TRAPPC9: variants seen among roughly 807,000 people sequenced by gnomAD.
The protein encoded by TRAPPC9 is IKK2 binding protein.
TRAPPC9 carries 83 observed loss-of-function variants against 124.0 expected under a neutral mutation model. The ratio of observed to expected loss-of-function variants is 0.67; its 90% CI spans 0.56 to 0.80. The LOEUF (loss-of-function observed/expected upper bound fraction) is 0.80. Ranked by LOEUF, TRAPPC9 falls within the 30% of genes least tolerant of loss-of-function variation. The pLI is 0.00. For missense variants in TRAPPC9, 1,302 were observed against 1,508.3 expected (o/e 0.86, Z 2.27); for synonymous variants, 638 against 617.5 (o/e 1.03, Z -0.49).
rs553745631 is a variant in TRAPPC9, at chr8:140,428,134, C to A, written c.860-1493G>T. 2.9e-4 allele frequency among the ~76,000 whole-genome samples: 44 copies of A among 152,232 alleles called. No homozygotes were observed. In the South Asian group the frequency reaches 3.7e-3, roughly 13 times the overall value. The stretch of plus-strand genomic sequence containing the variant: ...TAGAAACGTTTTGTTCTGTGAAGAA[C>A]CTGGCCAAATATATTATACTATGCC... On this transcript the variant is annotated intron_variant, in intron 4 of 22. Coordinates refer to ENST00000438773, the MANE Select transcript of TRAPPC9 (RefSeq NM_001160372.4).
At chr8:140,351,222 AC>A (rs1207774255) in intron 9 of TRAPPC9, among the ~76,000 whole-genome samples, 2 of 116,994 alleles carry the variant, frequency 1.7e-5, no homozygotes, top group Admixed American at 2.2e-4. Flanking sequence ...TTCTCCCCGC[AC>A]CCCTCCAGCC....
intron 17 of TRAPPC9, among the ~76,000 whole-genome samples, chr8:140,220,688 G>A (rs1230832836): frequency 3.3e-5 from 5 of 152,178 alleles, no homozygotes; most frequent in Admixed American, 2.0e-4. Flanking sequence ...AAAGTCCACT[G>A]TATCACTGAC....
intron 21 of TRAPPC9, among the ~76,000 whole-genome samples, chr8:139,770,334 G>A (rs1056566208): frequency 5.3e-5 from 8 of 152,228 alleles, no homozygotes; most frequent in Non-Finnish European, 7.3e-5. Flanking sequence ...GGTCCTCACC[G>A]TGGCTCCCCG....
At chr8:139,844,833 C>T (rs1826966667) in intron 21 of TRAPPC9, among the ~76,000 whole-genome samples, 2 of 152,232 alleles carry the variant, frequency 1.3e-5, no homozygotes, top group Admixed American at 6.5e-5. Flanking sequence ...CTTACAAATG[C>T]GATGCCTTTG....
intron 21 of TRAPPC9, among the ~76,000 whole-genome samples, chr8:139,863,938 A>G (rs1828345976): frequency 6.6e-6 from 1 of 152,228 alleles, no homozygotes; most frequent in Non-Finnish European, 1.5e-5. Context: ...ATGGCCAGAA[A>G]GCCCCACAGT....
intron 17 of TRAPPC9, among the ~76,000 whole-genome samples, chr8:140,132,892 AC>A (rs1231812136): frequency 6.6e-6 from 1 of 152,198 alleles, no homozygotes; most frequent in African/African-American, 2.4e-5. Context: ...GGCCATGGGC[AC>A]CCAAGGAACT....
chr8:140,017,089 T>C (rs765603942), intron 18 of TRAPPC9, among the ~76,000 whole-genome samples: 4 of 152,252 alleles, frequency 2.6e-5, no homozygotes, highest in Non-Finnish European at 4.4e-5. Flanking sequence ...GAAATATCTG[T>C]TCAAATTTTC....
intron 17 of TRAPPC9, among the ~76,000 whole-genome samples, chr8:140,129,532 G>A (rs980359103): frequency 5.3e-5 from 8 of 152,154 alleles, no homozygotes; most frequent in East Asian, 1.9e-4. Context: ...GAGCCGGCAC[G>A]GGGGATGGAA....
At chr8:140,024,662 G>T (rs1840020412) in intron 17 of TRAPPC9, among the ~76,000 whole-genome samples, 1 of 152,138 alleles carries the variant, frequency 6.6e-6, no homozygotes, top group African/African-American at 2.4e-5. Flanking sequence ...CTCCCAAGGT[G>T]CTGGGATGAC....
intron 21 of TRAPPC9, among the ~76,000 whole-genome samples, chr8:139,757,027 G>A (rs1819873495): frequency 7.2e-6 from 1 of 138,334 alleles, no homozygotes; most frequent in Non-Finnish European, 1.6e-5. Flanking sequence ...TTGGGGATGA[G>A]GACAGCAGGT....
intron 15 of TRAPPC9, among the ~76,000 whole-genome samples, chr8:140,272,104 TGTG>T (rs1361767815): frequency 2.3e-5 from 2 of 88,458 alleles, no homozygotes; most frequent in East Asian, 2.2e-4. Context: ...ATGAGGTGAT[TGTG>T]GTGGTGGCAA....
intron 7 of TRAPPC9, among the ~76,000 whole-genome samples, chr8:140,375,197 C>T (rs897291102): frequency 2.0e-5 from 3 of 152,110 alleles, no homozygotes; most frequent in Non-Finnish European, 4.4e-5. Context: ...AGATGAAATC[C>T]CCAAACTCAT....
chr8:140,199,159 C>T (rs1206775163), intron 17 of TRAPPC9, among the ~76,000 whole-genome samples: 2 of 152,138 alleles, frequency 1.3e-5, no homozygotes, highest in African/African-American at 2.4e-5. Flanking sequence ...GGGCTTCTTG[C>T]ACGTGAACAT....
chr8:139,744,381 A>C (rs1482811175), intron 21 of TRAPPC9, among the ~76,000 whole-genome samples: 2 of 151,468 alleles, frequency 1.3e-5, no homozygotes, highest in Non-Finnish European at 2.9e-5. Context: ...CCGCTTCCAG[A>C]CCCTGACTGC....
At chr8:140,347,904 T>C (rs1369680455) in intron 9 of TRAPPC9, among the ~76,000 whole-genome samples, 2 of 152,260 alleles carry the variant, frequency 1.3e-5, no homozygotes, top group Non-Finnish European at 2.9e-5. Context: ...TCAAAGGCTG[T>C]TTTGAAATTG....
chr8:139,899,483 G>A (rs932150791), intron 20 of TRAPPC9, among the ~76,000 whole-genome samples: 16 of 152,112 alleles, frequency 1.1e-4, no homozygotes, highest in African/African-American at 3.4e-4. Context: ...TTCACGTTGC[G>A]TAGGCAGAAG....
Position 139,881,874 on chromosome 8 carries a change from C to T in TRAPPC9, c.3055+4005G>A, listed in dbSNP as rs77034102. ...TAATGCCGTGGGCCACACTCCAGAC[C>T]GCAGGGCCTCACCCCTCTCCTTACT... On this transcript the variant is annotated intron_variant, in intron 21 of 22. Coordinates refer to ENST00000438773, the MANE Select transcript of TRAPPC9 (RefSeq NM_001160372.4). Among the ~76,000 whole-genome samples, 441 of 152,342 alleles carry T rather than the reference C, an allele frequency of 2.9e-3. 1 individual carries two copies. Among genetic ancestry groups the T allele is most frequent in the Admixed American group, 5.2e-3 (79 of 15,302 alleles).
Position 139,947,914 on chromosome 8 carries a change from A to C in TRAPPC9, c.2811-37614T>G, listed in dbSNP as rs867663904. On this transcript the variant is annotated intron_variant, in intron 19 of 22. Coordinates refer to ENST00000438773, the MANE Select transcript of TRAPPC9 (RefSeq NM_001160372.4). ...TGTGTGTATATATATATATAGAGAG[A>C]GAGAGAGAGCGAGAGAGAGAGAGAG... Among the ~76,000 whole-genome samples the C allele has an allele frequency of 7.6e-3, 511 of 66,990 alleles. 16 individuals carry two copies. Among genetic ancestry groups the C allele is most frequent in the African/African-American group, 0.024 (459 of 19,176 alleles). 43.9% of individuals were successfully genotyped at this position (66,990 alleles called of 152,430 possible). A position where few individuals can be genotyped will look rare whatever the true frequency, so the allele number is the denominator to read the frequency against.
At chr8:140,077,700 G>A (rs1255725069) in intron 17 of TRAPPC9, among the ~76,000 whole-genome samples, 3 of 152,142 alleles carry the variant, frequency 2.0e-5, no homozygotes, top group Admixed American at 1.3e-4. Context: ...ATCAGGAGTC[G>A]CTTCCTGAAC....
Sources: gnomAD v4.1 joint callset for allele counts (sites outside exome capture counted in the v4.1 genomes callset) on GRCh38, gnomAD v4.1.1 for gene constraint, MANE v1.5 for transcripts, NCBI Gene and HGNC (gene_info 2026-07-23, HGNC 2026-07-21) for gene names.